Variants in HTT observed in about 807,000 individuals in gnomAD.
The protein encoded by HTT is huntingtin, also known as huntington disease protein.
HTT carries 104 observed loss-of-function variants against 362.3 expected under a neutral mutation model. The ratio of observed to expected loss-of-function variants is 0.29; its 90% CI spans 0.24 to 0.34. The LOEUF (loss-of-function observed/expected upper bound fraction) is 0.34. Among genes scored for constraint, HTT ranks in the 10% least tolerant of loss-of-function variants. HTT has a pLI of 1.00. For missense variants in HTT, 3,301 were observed against 3,928.6 expected, an observed-to-expected ratio of 0.84 and a Z score of 4.27; for synonymous variants, 1,577 against 1,548.7, an observed-to-expected ratio of 1.02 and a Z score of -0.43.
chr4:3,099,908 A>G (rs1229140847), intron 3 of HTT, among the ~76,000 whole-genome samples: 1 of 148,690 alleles, frequency 6.7e-6, no homozygotes, highest in Admixed American at 6.7e-5. Flanking sequence ...TATGGTTTGG[A>G]GGTGCTCTGT....
chr4:3,104,237 G>A (rs1188407872), intron 4 of HTT, among the ~76,000 whole-genome samples: 1 of 151,974 alleles, frequency 6.6e-6, no homozygotes, highest in African/African-American at 2.4e-5. Flanking sequence ...GACCTCAGGT[G>A]ATCCGCCCGC....
chr4:3,097,595 G>A (rs1288371844), intron 2 of HTT, among the ~76,000 whole-genome samples: 1 of 152,170 alleles, frequency 6.6e-6, no homozygotes, highest in Non-Finnish European at 1.5e-5. Context: ...TTGTGCCGTT[G>A]CACTCCAGCC....
At chr4:3,194,568 A>G (rs1719159691) in intron 40 of HTT, among the ~76,000 whole-genome samples, 1 of 152,196 alleles carries the variant, frequency 6.6e-6, no homozygotes, top group Non-Finnish European at 1.5e-5. Flanking sequence ...TCAAGGACAC[A>G]TCTTGTGCTC....
intron 34 of HTT, 144 bp from the exon 35 acceptor site, chr4:3,178,154 G>GGT (rs1718323214): frequency 4.6e-6 from 3 of 645,366 alleles, no homozygotes; most frequent in Non-Finnish European, 8.1e-6. Context: ...CTGTGGCAGG[G>GGT]GTGGGGTTAG....
intron 1 of HTT, among the ~76,000 whole-genome samples, chr4:3,081,926 A>G (rs1712933133): frequency 6.6e-6 from 1 of 151,844 alleles, no homozygotes; most frequent in South Asian, 2.1e-4. Context: ...TAAAAGTTAC[A>G]CATATACATT....
intron 22 of HTT, 62 bp downstream of exon 22, chr4:3,140,718 T>A: frequency 6.8e-7 from 1 of 1,479,956 alleles, no homozygotes. Flanking sequence ...ATGCCTTTCT[T>A]TAGGCTTTAA....
rs1230418673 is a variant in HTT, at chr4:3,237,030, C to T, written c.8891+776C>T. 2.0e-5 allele frequency among the ~76,000 whole-genome samples: 3 copies of T among 151,526 alleles called. No homozygotes were observed. The East Asian group carries it at 5.8e-4, about 29-fold the overall frequency. On this transcript the variant is annotated intron_variant, in intron 64 of 66. Transcript: ENST00000355072. ...CCACTGTTTGACCAGATGAGGCATT[C>T]TGAACAGCCAAGCCTGTGCTGGTCT... is the stretch of plus-strand genomic sequence containing the variant.
chr4:3,113,927 CAGCAGCGCTAGAGGAATT>C (rs1213326264), intron 6 of HTT, among the ~76,000 whole-genome samples: 1 of 152,070 alleles, frequency 6.6e-6, no homozygotes, highest in African/African-American at 2.4e-5. Context: ...GACCCTAACC[CAGCAGCGCTAGAGGAATT>C]AAAGACACAC....
At chr4:3,111,683 C>G (rs1387092612) in intron 6 of HTT, among the ~76,000 whole-genome samples, 3 of 152,150 alleles carry the variant, frequency 2.0e-5, no homozygotes, top group South Asian at 2.1e-4. Context: ...GTGTGCATCT[C>G]ACGTCTGTCC....
chr4:3,220,057 G>C (rs1720602990), intron 52 of HTT, 125 bp from the exon 53 acceptor site: 1 of 1,025,990 alleles, frequency 9.7e-7, no homozygotes, highest in Non-Finnish European at 1.5e-6. Flanking sequence ...GAAGGTGCCA[G>C]CTCTGGGACA....
intron 21 of HTT, 99 bp from the exon 22 acceptor site, chr4:3,140,411 C>A: frequency 2.0e-6 from 2 of 984,282 alleles, no homozygotes; most frequent in Non-Finnish European, 3.1e-6. Flanking sequence ...CCGCTGGTAA[C>A]CAGAGGTGTT....
chr4:3,108,227 T>G (rs966580214), intron 6 of HTT, among the ~76,000 whole-genome samples: 3 of 152,252 alleles, frequency 2.0e-5, no homozygotes, highest in African/African-American at 7.2e-5. Flanking sequence ...GCTACTGCTC[T>G]TATTAGCTGA....
intron 9 of HTT, 91 bp downstream of exon 9, chr4:3,121,523 G>C: frequency 1.2e-6 from 1 of 802,920 alleles, no homozygotes; most frequent in South Asian, 1.7e-5. Context: ...GTGCTAAGCA[G>C]TCTGCATTCC....
chr4:3,101,445 C>T (rs184280647), intron 3 of HTT, among the ~76,000 whole-genome samples: 21 of 152,306 alleles, frequency 1.4e-4, no homozygotes, highest in South Asian at 6.2e-4. Context: ...TCAGGCCCAG[C>T]GGGCTGGCAG....
intron 63 of HTT, 141 bp downstream of exon 63, chr4:3,235,919 C>T (rs1721506886): frequency 1.3e-6 from 1 of 751,080 alleles, no homozygotes; most frequent in Admixed American, 2.3e-5. Flanking sequence ...CATCACCTTG[C>T]AAGAAAGGCT....
intron 52 of HTT, among the ~76,000 whole-genome samples, 192 bp from the exon 53 acceptor site, chr4:3,219,990 G>A (rs1448956934): frequency 6.6e-6 from 1 of 152,174 alleles, no homozygotes; most frequent in Non-Finnish European, 1.5e-5. Flanking sequence ...AGATTTGGGA[G>A]GGCCACTTGA....
intron 62 of HTT, 49 bp from the exon 63 acceptor site, chr4:3,235,516 T>G: frequency 1.3e-6 from 2 of 1,581,506 alleles, no homozygotes; most frequent in Non-Finnish European, 1.7e-6. Flanking sequence ...CATGAACACC[T>G]GAGACTGTGC....
chr4:3,149,519 G>T (rs1716774450), intron 26 of HTT, among the ~76,000 whole-genome samples: 2 of 151,990 alleles, frequency 1.3e-5, no homozygotes, highest in African/African-American at 4.8e-5. Flanking sequence ...TGTTGGTCAG[G>T]TTGGTCTCAA....
At chr4:3,172,521 G>A in intron 30 of HTT, 124 bp downstream of exon 30, 1 of 752,428 alleles carries the variant, frequency 1.3e-6, no homozygotes, top group East Asian at 2.5e-5. Flanking sequence ...GTCCAGCGCA[G>A]CACTTTTTGG....
Sources: allele counts gnomAD v4.1 joint callset (sites outside exome capture counted in the v4.1 genomes callset), GRCh38; gene constraint gnomAD v4.1.1; transcripts MANE v1.5; gene names NCBI Gene and HGNC (gene_info 2026-07-23, HGNC 2026-07-21).